SLC25A26: variants seen among roughly 807,000 people sequenced by gnomAD.
SLC25A26 encodes the protein solute carrier family 25 member 26.
In SLC25A26, 36 loss-of-function variants were observed where a neutral mutation model predicts 37.8. The observed-to-expected ratio is 0.95, with a 90% CI of 0.73 to 1.26. SLC25A26 has a LOEUF of 1.26. Ranked by LOEUF, SLC25A26 falls within the 50% of genes most tolerant of loss-of-function variation. The pLI is 0.00. For synonymous variants in SLC25A26, 129 were observed against 122.5 expected, an observed-to-expected ratio of 1.05 and a Z score of -0.35; for missense variants, 390 against 331.1, an observed-to-expected ratio of 1.18 and a Z score of -1.38.
intron 5 of SLC25A26, among the ~76,000 whole-genome samples, chr3:66,303,273 C>T (rs2075126451): frequency 1.3e-5 from 2 of 152,178 alleles, no homozygotes; most frequent in African/African-American, 4.8e-5. Context: ...CTTCTCTCCC[C>T]CTCTCTAGTC....
intron 1 of SLC25A26, among the ~76,000 whole-genome samples, chr3:66,137,704 C>T (rs1465748106): frequency 6.6e-6 from 1 of 152,206 alleles, no homozygotes; most frequent in African/African-American, 2.4e-5. Flanking sequence ...TTCCTGAGGT[C>T]AGAGTGTGTC....
intron 6 of SLC25A26, among the ~76,000 whole-genome samples, chr3:66,346,850 CT>C (rs1181075354): frequency 6.6e-6 from 1 of 151,672 alleles, no homozygotes; most frequent in African/African-American, 2.4e-5. Flanking sequence ...ACCAGCTCCC[CT>C]AGCACCCTGT....
chr3:66,275,011 A>T (rs1161502809), intron 5 of SLC25A26, among the ~76,000 whole-genome samples: 1 of 152,132 alleles, frequency 6.6e-6, no homozygotes, highest in East Asian at 1.9e-4. Context: ...CAAATGTCCA[A>T]CAATGATAGA....
chr3:66,267,736 C>G (rs2073808637), intron 5 of SLC25A26, among the ~76,000 whole-genome samples: 1 of 152,182 alleles, frequency 6.6e-6, no homozygotes, highest in South Asian at 2.1e-4. Context: ...ACAAGTAATT[C>G]AATCTGTTCA....
intron 3 of SLC25A26, among the ~76,000 whole-genome samples, chr3:66,261,023 C>A (rs569313747): frequency 2.0e-5 from 3 of 152,150 alleles, no homozygotes; most frequent in Non-Finnish European, 4.4e-5. Context: ...AAAGGGCAAA[C>A]CTCTTTGAGT....
At chr3:66,195,298 G>GA (rs2071026983) in intron 1 of SLC25A26, among the ~76,000 whole-genome samples, 2 of 152,194 alleles carry the variant, frequency 1.3e-5, no homozygotes, top group African/African-American at 4.8e-5. Context: ...ATCTTTGGGG[G>GA]AAAAGCCCCC....
intron 1 of SLC25A26, among the ~76,000 whole-genome samples, chr3:66,163,040 C>T (rs2070381251): frequency 1.3e-5 from 2 of 152,124 alleles, no homozygotes; most frequent in Non-Finnish European, 2.9e-5. Flanking sequence ...AGGAGTGAAC[C>T]GCATCTCTAG....
At chr3:66,263,673 T>A (rs113426811) in intron 5 of SLC25A26, among the ~76,000 whole-genome samples, 2 of 133,066 alleles carry the variant, frequency 1.5e-5, no homozygotes. Context: ...TTGTTTGTTT[T>A]TTTGAAATGC....
At chr3:66,267,151 G>C (rs566278398) in intron 5 of SLC25A26, among the ~76,000 whole-genome samples, 3 of 152,274 alleles carry the variant, frequency 2.0e-5, no homozygotes, top group African/African-American at 7.2e-5. Context: ...GTAATGATAA[G>C]TATATACAAG....
chr3:66,308,675 A>G (rs1357936537), intron 5 of SLC25A26, among the ~76,000 whole-genome samples: 1 of 151,986 alleles, frequency 6.6e-6, no homozygotes. Flanking sequence ...TAACTATTCC[A>G]TAACTATTCC....
chr3:66,197,685 G>C (rs2071063431), intron 1 of SLC25A26, among the ~76,000 whole-genome samples: 1 of 152,078 alleles, frequency 6.6e-6, no homozygotes, highest in South Asian at 2.1e-4. Flanking sequence ...AGGTGGGTGA[G>C]TTTGCGTGTC....
intron 1 of SLC25A26, among the ~76,000 whole-genome samples, chr3:66,140,287 G>A (rs1264538229): frequency 6.6e-6 from 1 of 152,212 alleles, no homozygotes; most frequent in Non-Finnish European, 1.5e-5. Context: ...ATTAGAGGTG[G>A]AAGAATGGAA....
chr3:66,273,587 C>A (rs1294566002), intron 5 of SLC25A26, among the ~76,000 whole-genome samples: 1 of 152,156 alleles, frequency 6.6e-6, no homozygotes, highest in Non-Finnish European at 1.5e-5. Flanking sequence ...ACAAAAATCA[C>A]AAGCATTCTT....
intron 1 of SLC25A26, among the ~76,000 whole-genome samples, chr3:66,211,885 C>G (rs2071288521): frequency 6.6e-6 from 1 of 152,162 alleles, no homozygotes; most frequent in Non-Finnish European, 1.5e-5. Flanking sequence ...ATTTGCTGCT[C>G]AATGTACATG....
intron 5 of SLC25A26, among the ~76,000 whole-genome samples, chr3:66,324,797 G>GTT (rs397805698): frequency 0.27 from 40,173 of 147,036 alleles, 5,898 homozygotes; most frequent in East Asian, 0.67. Flanking sequence ...GTAAGCACAG[G>GTT]TTTTTTTTTT....
intron 5 of SLC25A26, among the ~76,000 whole-genome samples, chr3:66,317,458 C>A (rs1486582005): frequency 6.6e-6 from 1 of 152,120 alleles, no homozygotes; most frequent in African/African-American, 2.4e-5. Context: ...AGGCTGCAGA[C>A]CAGCAAAGAT....
intron 5 of SLC25A26, among the ~76,000 whole-genome samples, chr3:66,327,736 G>T (rs534970835): frequency 1.1e-4 from 17 of 152,004 alleles, no homozygotes; most frequent in African/African-American, 3.4e-4. Flanking sequence ...AAAGCTACAC[G>T]TATTTAATGT....
intron 3 of SLC25A26, among the ~76,000 whole-genome samples, chr3:66,255,848 A>G (rs561225627): frequency 6.6e-5 from 10 of 152,304 alleles, no homozygotes; most frequent in African/African-American, 2.4e-4. Context: ...ACTTTGTAGC[A>G]TCTCTCATGC....
intron 5 of SLC25A26, among the ~76,000 whole-genome samples, chr3:66,286,736 G>T (rs1270145799): frequency 6.6e-6 from 1 of 152,130 alleles, no homozygotes; most frequent in East Asian, 1.9e-4. Flanking sequence ...CTGGGGTGCA[G>T]TGGCGTGATC....
Sources: gnomAD v4.1 joint callset for allele counts (sites outside exome capture counted in the v4.1 genomes callset) on GRCh38, gnomAD v4.1.1 for gene constraint, MANE v1.5 for transcripts, NCBI Gene and HGNC (gene_info 2026-07-23, HGNC 2026-07-21) for gene names.